The following APC2 variants were observed in gnomAD, a reference collection of about 807,000 sequenced individuals.
The protein encoded by APC2 is adenomatous polyposis coli protein 2.
APC2 carries 41 observed loss-of-function variants against 72.5 expected under a neutral mutation model. The ratio of observed to expected loss-of-function variants is 0.57; its 90% CI spans 0.44 to 0.73. The LOEUF is 0.73. Among genes scored for constraint, APC2 ranks in the 30% least tolerant of loss-of-function variants. APC2 has a pLI of 0.00. For missense variants in APC2, 3,729 were observed against 3,403.4 expected (o/e 1.10, Z -2.38); for synonymous variants, 1,898 against 1,612.0 (o/e 1.18, Z -4.25).
Position 1,467,054 on chromosome 19 carries a change from G to C in APC2, c.3753G>C (p.Arg1251=). 1 of 1,611,828 alleles carries C rather than the reference G, an allele frequency of 6.2e-7. No individual in the cohort carries two copies. The highest frequency in any genetic ancestry group is 8.5e-7 in the Non-Finnish European group (1 of 1,179,678). ...LDIADCRERC[R]LPSELDAGSV... is the part of the protein sequence containing the mutation. ...TCGCCGACTGCCGGGAGCGCTGCCG[G>C]CTGCCATCTGAGCTGGACGCAGGCA... The change falls in exon 15 of 15, where the codon CGG becomes CGC. Residue 1251 remains arginine (R), a synonymous_variant. Transcript: ENST00000590469.
chr19:1,458,176 C>A, intron 10 of APC2, 116 bp downstream of exon 10: 1 of 945,854 alleles, frequency 1.1e-6, no homozygotes, highest in Admixed American at 2.1e-5. Context: ...GGATTGGAGC[C>A]CGGAGAGGGA....
At chr19:1,450,433 C>T (rs1186546424) in intron 1 of APC2, 95 bp downstream of exon 1, 1 of 903,356 alleles carries the variant, frequency 1.1e-6, no homozygotes, top group East Asian at 1.2e-4. Flanking sequence ...AGCACAGACT[C>T]TGGACCCTCC....
upstream of APC2, among the ~76,000 whole-genome samples, chr19:1,449,330 T>G (rs1463396765): frequency 1.3e-5 from 2 of 152,046 alleles, no homozygotes; most frequent in African/African-American, 2.4e-5. Context: ...CTCTGTGTGT[T>G]AAACCTTCAA....
At chr19:1,448,831 A>G (rs1001940024), upstream of APC2, among the ~76,000 whole-genome samples, 5 of 149,294 alleles carry the variant, frequency 3.3e-5, no homozygotes, top group East Asian at 3.9e-4. Flanking sequence ...GCTACAGAGC[A>G]AGACTCCGTC....
chr19:1,470,332 GC>G lies in APC2; in HGVS notation c.*123del. On this transcript the variant is annotated 3_prime_UTR_variant, in exon 15 of 15. Coordinates refer to ENST00000590469, the MANE Select transcript of APC2 (RefSeq NM_005883.3). ...CGCCCCAGGGCCTCTGCCCACCCGA[GC>G]CCCACCACTCTCAGAACCCCCGCCC... is the stretch of plus-strand genomic sequence containing the variant. 7.6e-7 allele frequency: 1 copy of G among 1,320,290 alleles called. No homozygotes were observed. Among genetic ancestry groups the G allele is most frequent in the Non-Finnish European group, 9.9e-7 (1 of 1,010,574 alleles). 81.8% of individuals were successfully genotyped at this position (1,320,290 alleles called of 1,614,324 possible). A position where few individuals can be genotyped will look rare whatever the true frequency, so the allele number is the denominator to read the frequency against.
chr19:1,465,121 G>A, intron 14 of APC2, 34 bp from the exon 15 acceptor site: 2 of 1,572,708 alleles, frequency 1.3e-6, no homozygotes, highest in Non-Finnish European at 8.6e-7. Context: ...GGAGGGTGGG[G>A]GGTGGCCCAG....
intron 14 of APC2, among the ~76,000 whole-genome samples, 178 bp downstream of exon 14, chr19:1,462,355 T>C (rs1345048023): frequency 6.6e-6 from 1 of 152,154 alleles, no homozygotes; most frequent in East Asian, 1.9e-4. Flanking sequence ...GACCTATTTA[T>C]TACATTAAAA....
At chr19:1,447,999 T>C (rs1000497588), upstream of APC2, among the ~76,000 whole-genome samples, 3 of 151,954 alleles carry the variant, frequency 2.0e-5, no homozygotes, top group Admixed American at 1.3e-4. Context: ...GCAGGGATCA[T>C]CCAACCCACC....
At chr19:1,457,895 C>CCGGGGGTGGGGGG (rs374378343) in intron 9 of APC2, 70 bp from the exon 10 acceptor site, 1 of 1,067,862 alleles carries the variant, frequency 9.4e-7, no homozygotes, top group African/African-American at 2.9e-5. Context: ...GGGCGGGTTG[C>CCGGGGGTGGGGGG]GGGACCTTCG....
Position 1,466,358 on chromosome 19 carries a change from T to C in APC2, c.3057T>C (p.Pro1019=), listed in dbSNP as rs1568179351. 2 of 1,568,674 alleles carry C rather than the reference T, an allele frequency of 1.3e-6. No homozygotes were observed. The highest frequency in any genetic ancestry group is 2.3e-5 in the East Asian group (1 of 44,324). Reference sequence around the variant, plus strand: ...CGGGTGCAGAGCCCCTCGCGGGGCCTGGAATCTCTCCAGGGGCCCGGAAGC... The same window carrying C: ...CGGGTGCAGAGCCCCTCGCGGGGCCCGGAATCTCTCCAGGGGCCCGGAAGC... ...SRAGAEPLAG[P]GISPGARKQA... The change falls in exon 15 of 15, where the codon CCT becomes CCC. Residue 1019 remains proline, a synonymous_variant. Coordinates refer to ENST00000590469, the MANE Select transcript of APC2 (RefSeq NM_005883.3).
chr19:1,460,751 C>T lies in APC2; in HGVS notation c.1444-29C>T, dbSNP rs200726946. ...CACAGTCTCCCTTGTGTCCCAACCCCGTGACCCCGGCTGCATAACCCCCAA... is the reference window on the plus strand; with the variant it reads ...CACAGTCTCCCTTGTGTCCCAACCCTGTGACCCCGGCTGCATAACCCCCAA... On this transcript the variant is annotated intron_variant, in intron 11 of 14. Coordinates refer to ENST00000590469, the MANE Select transcript of APC2 (RefSeq NM_005883.3). 4.5e-4 allele frequency: 720 copies of T among 1,606,368 alleles called. No homozygotes were observed. In the Middle Eastern group the frequency reaches 5.1e-3, roughly 11 times the overall value.
chr19:1,467,023 T>G lies in APC2; in HGVS notation c.3722T>G (p.Leu1241Arg). 1.2e-6 allele frequency: 2 copies of G among 1,611,126 alleles called. No homozygotes were observed. The highest frequency in any genetic ancestry group is 1.7e-6 in the Non-Finnish European group (2 of 1,179,368). Residue 1241 changes from leucine to arginine, a missense_variant, in exon 15 of 15, where the codon CTG becomes CGG. Coordinates refer to ENST00000590469, the MANE Select transcript of APC2 (RefSeq NM_005883.3). ...TGGGAGAGCTACGTGAAGCGCTTCC[T>G]GGACATCGCCGACTGCCGGGAGCGC... is the stretch of plus-strand genomic sequence containing the variant. ...LQWESYVKRF[L>R]DIADCRERCR...
chr19:1,468,018 A>C lies in APC2; in HGVS notation c.4717A>C (p.Thr1573Pro), dbSNP rs1254523085. Residue 1573 changes from threonine (T) to proline (P), a missense_variant, in exon 15 of 15, where the codon ACC becomes CCC. Thr to Pro is a conservative substitution (Grantham distance 38, BLOSUM62 -1). Coordinates refer to ENST00000590469, the MANE Select transcript of APC2 (RefSeq NM_005883.3). ...CCAGCCCAGCCTCATTGCTGACGAG[A>C]CCCCGCCCTGCTACTCCCTGAGCTC... ...RTQPSLIADE[T>P]PPCYSLSSSA... The C allele has an allele frequency of 8.8e-6, 14 of 1,584,498 alleles. No individual in the cohort carries two copies.
rs750126241 is a variant in APC2 at position 1,473,150 on chromosome 19, C to G, written c.*2937C>G. On this transcript the variant is annotated 3_prime_UTR_variant, in exon 15 of 15. Coordinates refer to ENST00000590469, the MANE Select transcript of APC2 (RefSeq NM_005883.3). ...ATAGTGGTAAATAGTGAAAGCCTGT[C>G]CTTCCCTAAATGTAAAGCCATCTGT... 1 of 152,290 alleles carries G rather than the reference C, an allele frequency of 6.6e-6. No individual in the cohort carries two copies. Among genetic ancestry groups the G allele is most frequent in the Non-Finnish European group, 1.5e-5 (1 of 68,064 alleles). The allele number at this position is 152,290 out of a possible 1,614,324, so 9.4% of individuals were successfully genotyped here. A position where few individuals can be genotyped will look rare whatever the true frequency, so the allele number is the denominator to read the frequency against.
chr19:1,454,463 C>G (rs1467750522), intron 4 of APC2, among the ~76,000 whole-genome samples: 2 of 151,666 alleles, frequency 1.3e-5, no homozygotes, highest in Admixed American at 6.6e-5. Flanking sequence ...ACTGCAGCCT[C>G]GAACTCCTGG....
upstream of APC2, among the ~76,000 whole-genome samples, chr19:1,449,170 A>C (rs1443379938): frequency 6.6e-6 from 1 of 152,136 alleles, no homozygotes; most frequent in African/African-American, 2.4e-5. Flanking sequence ...TCCATTTTAC[A>C]GAGGAGGAAA....
rs771189796 is a variant in APC2 at position 1,466,085 on chromosome 19, C to T, written c.2784C>T (p.Asn928=). The change falls in exon 15 of 15, where the codon AAC becomes AAT. Residue 928 remains asparagine, a synonymous_variant. Coordinates refer to ENST00000590469, the MANE Select transcript of APC2 (RefSeq NM_005883.3). The stretch of plus-strand genomic sequence containing the variant: ...CCAGCCTCTCCAACGACAGCCTCAA[C>T]AGCGGCAGTGCCAGCGACGGGTACT... The part of the protein sequence containing the change: ...AHASLSNDSL[N]SGSASDGYCP... 6.2e-5 allele frequency: 95 copies of T among 1,532,446 alleles called. No individual in the cohort carries two copies. Among genetic ancestry groups the T allele is most frequent in the Non-Finnish European group, 8.0e-5 (92 of 1,149,096 alleles). The allele number at this position is 1,532,446 out of a possible 1,614,324, so 94.9% of individuals were successfully genotyped here. A position where few individuals can be genotyped will look rare whatever the true frequency, so the allele number is the denominator to read the frequency against.
rs1471911525 is a variant in APC2 at position 1,467,560 on chromosome 19, G to T, written c.4259G>T (p.Gly1420Val). 7 of 1,510,214 alleles carry T rather than the reference G, an allele frequency of 4.6e-6. No homozygotes were observed. The Admixed American group carries it at 1.2e-4, about 27-fold the overall frequency. 93.6% of individuals were successfully genotyped at this position (1,510,214 alleles called of 1,614,324 possible). ...CAGGGACCCCCCAGGGACCAGCCCG[G>T]GGGACCAGCGGGCAGGCAAAGACCC... ...TLQGPPRDQP[G>V]GPAGRQRPTG... The change falls in exon 15 of 15, where the codon GGG becomes GTG. Residue 1420 changes from glycine (G) to valine (V), a missense_variant. Coordinates refer to ENST00000590469, the MANE Select transcript of APC2 (RefSeq NM_005883.3).
chr19:1,459,409 A>T (rs576325613), intron 10 of APC2, among the ~76,000 whole-genome samples: 1 of 152,270 alleles, frequency 6.6e-6, no homozygotes, highest in East Asian at 1.9e-4. Flanking sequence ...GTGACATCCC[A>T]TCGTGTGCAC....
Sources: allele counts gnomAD v4.1 joint callset (sites outside exome capture counted in the v4.1 genomes callset), GRCh38; gene constraint gnomAD v4.1.1; transcripts MANE v1.5; gene names NCBI Gene and HGNC (gene_info 2026-07-23, HGNC 2026-07-21).